The following PRKCQ variants were observed in gnomAD, a reference collection of about 807,000 sequenced individuals.
The protein encoded by PRKCQ is protein kinase C theta type.
PRKCQ carries 41 observed loss-of-function variants against 91.2 expected under a neutral mutation model. That is an observed-to-expected ratio of 0.45 (90% CI 0.35 to 0.58). The LOEUF (loss-of-function observed/expected upper bound fraction) is 0.58, where lower values mean the gene tolerates loss of function less well. PRKCQ is among the 20% of genes least tolerant of loss of function. The pLI is 0.00. For missense variants in PRKCQ, 673 were observed against 896.5 expected (o/e 0.75, Z 3.18); for synonymous variants, 307 against 316.9 (o/e 0.97, Z 0.33).
intron 1 of PRKCQ, among the ~76,000 whole-genome samples, chr10:6,541,681 G>A (rs1297032340): frequency 1.3e-5 from 2 of 152,086 alleles, no homozygotes; most frequent in Non-Finnish European, 2.9e-5. Flanking sequence ...GAGACCTACT[G>A]ATTACTTTTT....
intron 1 of PRKCQ, among the ~76,000 whole-genome samples, chr10:6,563,927 C>T (rs1337580195): frequency 6.6e-6 from 1 of 152,168 alleles, no homozygotes; most frequent in African/African-American, 2.4e-5. Context: ...AGGAGGGACA[C>T]CTTGACACAG....
chr10:6,419,273 G>A, the PRKCQ span, among the ~76,000 whole-genome samples: 6 of 152,054 alleles, frequency 3.9e-5, no homozygotes, highest in Admixed American at 6.5e-5. Flanking sequence ...GTGTGTGTAC[G>A]TATACATTAA....
intron 1 of PRKCQ, among the ~76,000 whole-genome samples, chr10:6,515,850 T>A (rs1188401692): frequency 2.0e-5 from 3 of 152,204 alleles, no homozygotes; most frequent in Admixed American, 2.0e-4. Flanking sequence ...GAGGTTTAGA[T>A]GATAGTTATC....
intron 15 of PRKCQ, 138 bp downstream of exon 15, chr10:6,456,536 G>T: frequency 8.8e-7 from 1 of 1,134,098 alleles, no homozygotes; most frequent in Non-Finnish European, 1.2e-6. Context: ...GCATGGTGGC[G>T]TTTATGAGAT....
intron 1 of PRKCQ, among the ~76,000 whole-genome samples, chr10:6,573,913 TAG>T (rs1291796910): frequency 1.3e-5 from 2 of 152,162 alleles, no homozygotes; most frequent in Non-Finnish European, 2.9e-5. Context: ...GCCCAGGAGT[TAG>T]AGACTAGCCT....
chr10:6,419,148 T>C, the PRKCQ span, among the ~76,000 whole-genome samples: 6 of 152,196 alleles, frequency 3.9e-5, no homozygotes, highest in African/African-American at 1.4e-4. Context: ...ATCTCCTTTC[T>C]ATATCTATCT....
At chr10:6,563,112 C>T (rs543623448) in intron 1 of PRKCQ, among the ~76,000 whole-genome samples, 2 of 152,158 alleles carry the variant, frequency 1.3e-5, no homozygotes, top group South Asian at 2.1e-4. Context: ...TAGATCCCAG[C>T]GCACAGTTTC....
At chr10:6,556,260 A>G (rs1840409653) in intron 1 of PRKCQ, among the ~76,000 whole-genome samples, 1 of 151,934 alleles carries the variant, frequency 6.6e-6, no homozygotes. Context: ...CAAAACTCAC[A>G]TCTCTACAAA....
At chr10:6,423,292 G>T (rs1264079326), downstream of PRKCQ, among the ~76,000 whole-genome samples, 1 of 152,196 alleles carries the variant, frequency 6.6e-6, no homozygotes, top group Non-Finnish European at 1.5e-5. Context: ...GTCTTGCTCT[G>T]ATATACACAC....
chr10:6,577,687 A>G (rs539765419), intron 1 of PRKCQ, among the ~76,000 whole-genome samples: 1 of 152,362 alleles, frequency 6.6e-6, no homozygotes, highest in Non-Finnish European at 1.5e-5. Context: ...ACCTGAAATC[A>G]AATATAACCT....
chr10:6,464,858 G>A (rs1835559658), intron 12 of PRKCQ, among the ~76,000 whole-genome samples: 2 of 152,196 alleles, frequency 1.3e-5, no homozygotes, highest in South Asian at 2.1e-4. Context: ...CTTATCAGAA[G>A]ACTGTCAAAA....
rs191069080 is a variant in PRKCQ at position 6,545,273 on chromosome 10, C to A, written c.-9-30129G>T. On this transcript the variant is annotated intron_variant, in intron 1 of 17. Transcript: ENST00000263125. ...ATTTTTATCATGGCTCAAAGCACTG[C>A]ACTGGGCGCTGTCTGTTGCTTTACC... is the stretch of plus-strand genomic sequence containing the variant. Among the ~76,000 whole-genome samples, 628 of 152,326 alleles carry A rather than the reference C, an allele frequency of 4.1e-3. 1 individual carries two copies. Among genetic ancestry groups the A allele is most frequent in the African/African-American group, 0.014 (593 of 41,554 alleles).
chr10:6,504,980 G>C (rs981557478), intron 4 of PRKCQ, among the ~76,000 whole-genome samples: 1 of 150,562 alleles, frequency 6.6e-6, no homozygotes, highest in Non-Finnish European at 1.5e-5. Flanking sequence ...TGCAAGCTCC[G>C]CCTCCCGGGT....
chr10:6,403,295 G>A, the PRKCQ span, among the ~76,000 whole-genome samples: 20 of 152,330 alleles, frequency 1.3e-4, no homozygotes, highest in South Asian at 4.1e-4. Context: ...TAAGGAGTTC[G>A]CTGCCAGTGT....
intron 1 of PRKCQ, among the ~76,000 whole-genome samples, chr10:6,577,574 T>G (rs1841291414): frequency 6.6e-6 from 1 of 152,182 alleles, no homozygotes. Flanking sequence ...CGGAATCACG[T>G]CTATATTGCT....
the PRKCQ span, among the ~76,000 whole-genome samples, chr10:6,400,266 A>G: frequency 1.3e-5 from 2 of 152,232 alleles, no homozygotes; most frequent in African/African-American, 4.8e-5. Flanking sequence ...CTTGTTTGCT[A>G]TGTTTGTGAT....
At chr10:6,401,986 T>G in the PRKCQ span, among the ~76,000 whole-genome samples, 1 of 152,170 alleles carries the variant, frequency 6.6e-6, no homozygotes, top group Non-Finnish European at 1.5e-5. Context: ...TTCATGTTCC[T>G]CTGCCTCCCT....
At chr10:6,518,996 C>A (rs560589463) in intron 1 of PRKCQ, among the ~76,000 whole-genome samples, 5 of 152,122 alleles carry the variant, frequency 3.3e-5, no homozygotes, top group South Asian at 2.1e-4. Flanking sequence ...CAGATATACA[C>A]ACCTGTGTAT....
At chr10:6,420,589 T>C in the PRKCQ span, among the ~76,000 whole-genome samples, 2 of 152,152 alleles carry the variant, frequency 1.3e-5, no homozygotes, top group African/African-American at 4.8e-5. Flanking sequence ...CAGAGGATAA[T>C]TTTTTTGAGA....
Sources: gnomAD v4.1 joint callset for allele counts (sites outside exome capture counted in the v4.1 genomes callset) on GRCh38, gnomAD v4.1.1 for gene constraint, MANE v1.5 for transcripts, NCBI Gene and HGNC (gene_info 2026-07-23, HGNC 2026-07-21) for gene names.